JAK2: variants seen among roughly 807,000 people sequenced by gnomAD.
JAK2 encodes the protein tyrosine-protein kinase JAK2.
Under a neutral mutation model 139.3 loss-of-function variants are expected in JAK2, and 86 were observed. The observed-to-expected ratio is 0.62, with a 90% CI of 0.52 to 0.74. The LOEUF (loss-of-function observed/expected upper bound fraction) is 0.74. Ranked by LOEUF, JAK2 falls within the 30% of genes least tolerant of loss-of-function variation. JAK2 has a pLI of 0.00. For synonymous variants in JAK2, 490 were observed against 437.7 expected (o/e 1.12, Z -1.49); for missense variants, 1,421 against 1,360.3 (o/e 1.04, Z -0.70).
intron 22 of JAK2, among the ~76,000 whole-genome samples, chr9:5,096,513 G>C (rs1158048770): frequency 1.3e-5 from 2 of 152,156 alleles, no homozygotes; most frequent in South Asian, 2.1e-4. Context: ...GAGGGTGGTA[G>C]GCCGGAGAAG....
chr9:5,060,328 C>T (rs961655361), intron 8 of JAK2, among the ~76,000 whole-genome samples: 1 of 152,164 alleles, frequency 6.6e-6, no homozygotes, highest in Admixed American at 6.6e-5. Context: ...GTAGACTCTT[C>T]ATTTCGTTAA....
In JAK2 at chr9:5,022,168, G is replaced by A. The variant is rs1439413818; in HGVS notation, c.181G>A (p.Glu61Lys). ...AGATTATCTGACCTTTCCATCTGGG[G>A]AGTATGTTGCAGAAGAAATCTGTAT... ...EADYLTFPSGEYVAEEICIAA... is the reference protein window; with the variant it reads ...EADYLTFPSGKYVAEEICIAA... The change falls in exon 3 of 25, where the codon GAG (glutamate) becomes AAG (lysine). Residue 61 changes from glutamate (E) to lysine (K), a missense_variant. Glu to Lys is a moderately conservative substitution (Grantham distance 56, BLOSUM62 1). Coordinates refer to ENST00000381652, the MANE Select transcript of JAK2 (RefSeq NM_004972.4). The A allele has an allele frequency of 3.7e-6, 6 of 1,614,046 alleles. No individual in the cohort carries two copies. The highest frequency in any genetic ancestry group is 5.1e-6 in the Non-Finnish European group (6 of 1,180,020).
At chr9:5,103,220 G>GAAAA (rs1821661603) in intron 22 of JAK2, among the ~76,000 whole-genome samples, 5 of 6,902 alleles carry the variant, frequency 7.2e-4, no homozygotes, top group Admixed American at 1.4e-3. Context: ...CAAAGGGAAA[G>GAAAA]CAAAAAAAAA....
At chr9:4,998,597 A>G (rs946683813) in intron 2 of JAK2, among the ~76,000 whole-genome samples, 4 of 152,044 alleles carry the variant, frequency 2.6e-5, no homozygotes, top group Admixed American at 2.0e-4. Flanking sequence ...CACTTGTCCC[A>G]TATTTGTTCA....
At chr9:5,055,032 C>A (rs922980128) in intron 7 of JAK2, 148 bp downstream of exon 7, 11 of 507,288 alleles carry the variant, frequency 2.2e-5, no homozygotes, top group Non-Finnish European at 3.7e-5. Flanking sequence ...CTATCAAGGT[C>A]ATATAATTCT....
intron 22 of JAK2, among the ~76,000 whole-genome samples, chr9:5,102,651 G>C (rs1041895154): frequency 4.6e-5 from 7 of 152,110 alleles, no homozygotes; most frequent in Non-Finnish European, 8.8e-5. Flanking sequence ...GAGAAATGTC[G>C]GGTTGCCCAC....
chr9:5,034,168 A>G (rs1161582606), intron 4 of JAK2, among the ~76,000 whole-genome samples: 3 of 152,222 alleles, frequency 2.0e-5, no homozygotes, highest in Non-Finnish European at 2.9e-5. Flanking sequence ...TGGTAAAGGG[A>G]TCAACTCAAC....
At chr9:4,988,777 T>C (rs1487350126) in intron 2 of JAK2, among the ~76,000 whole-genome samples, 1 of 152,228 alleles carries the variant, frequency 6.6e-6, no homozygotes, top group African/African-American at 2.4e-5. Flanking sequence ...TTCATCTCCT[T>C]AAACTCCGAA....
intron 6 of JAK2, among the ~76,000 whole-genome samples, chr9:5,053,045 GTT>G (rs1047452566): frequency 4.6e-5 from 7 of 152,148 alleles, no homozygotes; most frequent in Admixed American, 3.9e-4. Context: ...TATGGTAACT[GTT>G]TAACTTTTTG....
intron 8 of JAK2, among the ~76,000 whole-genome samples, chr9:5,064,055 C>CT (rs1818388344): frequency 6.6e-6 from 1 of 152,028 alleles, no homozygotes; most frequent in Non-Finnish European, 1.5e-5. Flanking sequence ...TTTTGGGAGA[C>CT]TGAGACAGGA....
At chr9:5,028,198 G>A (rs562887576) in intron 3 of JAK2, among the ~76,000 whole-genome samples, 1 of 152,332 alleles carries the variant, frequency 6.6e-6, no homozygotes, top group Non-Finnish European at 1.5e-5. Flanking sequence ...AATGGATGTT[G>A]TGTTAGCAGG....
At chr9:5,096,876 A>G (rs530791926) in intron 22 of JAK2, 1 of 152,280 alleles carries the variant, frequency 6.6e-6, no homozygotes, top group Non-Finnish European at 1.5e-5. Context: ...CTTTATGGTC[A>G]TATCAATTAT....
chr9:4,987,472 A>G lies in JAK2; in HGVS notation c.-26+1450A>G, dbSNP rs954383606. Among the ~76,000 whole-genome samples the G allele has an allele frequency of 2.6e-5, 4 of 152,276 alleles. No individual in the cohort carries two copies. The East Asian group carries it at 7.7e-4, about 29-fold the overall frequency. On this transcript the variant is annotated intron_variant, in intron 2 of 24. Coordinates refer to ENST00000381652, the MANE Select transcript of JAK2 (RefSeq NM_004972.4). ...TATTTACGGCTGGTCATGGTGGCTC[A>G]CGCCTGTAATCCCAGCACTTTGGGA...
rs1586851454 is a variant in JAK2, at chr9:5,128,728, T to C, written c.*1937T>C. 6.6e-6 allele frequency among the ~76,000 whole-genome samples: 1 copy of C among 151,956 alleles called. No homozygotes were observed. Among genetic ancestry groups the C allele is most frequent in the African/African-American group, 2.4e-5 (1 of 41,436 alleles). On this transcript the variant is annotated 3_prime_UTR_variant, in exon 25 of 25. Transcript: ENST00000381652. ...AAGTTTCCAAGAGACTTCTTTTCAT[T>C]GAGGCTTCGTAAAGTTTTCCATTTT... is the stretch of plus-strand genomic sequence containing the variant.
intron 9 of JAK2, 22 bp downstream of exon 9, chr9:5,065,062 G>C (rs374819488): frequency 6.8e-7 from 1 of 1,473,324 alleles, no homozygotes. Flanking sequence ...AGACTTAAAA[G>C]TAAATTTTTA....
At chr9:5,064,738 G>A (rs184294741) in intron 8 of JAK2, 145 bp from the exon 9 acceptor site, 1 of 490,254 alleles carries the variant, frequency 2.0e-6, no homozygotes, top group East Asian at 3.3e-5. Context: ...ATGAGAATTT[G>A]TAATTCATAT....
intron 22 of JAK2, among the ~76,000 whole-genome samples, chr9:5,115,929 G>T (rs1447766868): frequency 6.6e-6 from 1 of 152,102 alleles, no homozygotes; most frequent in East Asian, 1.9e-4. Context: ...CTAGGGGAGG[G>T]ATAGCTTTAA....
At chr9:5,125,751 T>C (rs199764154) in intron 23 of JAK2, among the ~76,000 whole-genome samples, 1 of 70,188 alleles carries the variant, frequency 1.4e-5, no homozygotes, top group Non-Finnish European at 2.6e-5. Flanking sequence ...GTTGACTATA[T>C]ATTTGTTGGG....
At chr9:5,047,564 CTG>C (rs891778383) in intron 5 of JAK2, among the ~76,000 whole-genome samples, 5 of 152,156 alleles carry the variant, frequency 3.3e-5, no homozygotes, top group African/African-American at 1.2e-4. Context: ...GTGACTGTGA[CTG>C]TTTTTTATTT....
Sources: gnomAD v4.1 joint callset for allele counts (sites outside exome capture counted in the v4.1 genomes callset) on GRCh38, gnomAD v4.1.1 for gene constraint, MANE v1.5 for transcripts, NCBI Gene and HGNC (gene_info 2026-07-23, HGNC 2026-07-21) for gene names.